FBXL4: variants seen among roughly 807,000 people sequenced by gnomAD.
FBXL4 encodes the protein F-box and leucine rich repeat protein 4.
In FBXL4, 40 loss-of-function variants were observed where a neutral mutation model predicts 58.9. The observed-to-expected ratio is 0.68, with a 90% CI of 0.53 to 0.88. The LOEUF (loss-of-function observed/expected upper bound fraction) is 0.88, where lower values mean the gene tolerates loss of function less well. FBXL4 is among the 40% of genes least tolerant of loss of function. FBXL4 has a pLI of 0.00. For missense variants in FBXL4, 676 were observed against 734.4 expected (o/e 0.92, Z 0.92); for synonymous variants, 263 against 265.5 (o/e 0.99, Z 0.09).
At chr6:98,908,102 C>G (rs1194509515) in intron 5 of FBXL4, among the ~76,000 whole-genome samples, 1 of 152,038 alleles carries the variant, frequency 6.6e-6, no homozygotes, top group Non-Finnish European at 1.5e-5. Flanking sequence ...AAATATTACA[C>G]AAACAAAAAT....
intron 1 of FBXL4, 38 bp downstream of exon 1, chr6:98,947,766 CAG>C (rs1421771242): frequency 1.5e-5 from 1 of 64,922 alleles, no homozygotes; most frequent in Non-Finnish European, 3.9e-5. Flanking sequence ...AGGAAGAAGA[CAG>C]AGACCCACGG....
At chr6:98,914,572 T>C (rs527569771) in intron 5 of FBXL4, among the ~76,000 whole-genome samples, 4 of 152,238 alleles carry the variant, frequency 2.6e-5, no homozygotes, top group South Asian at 4.2e-4. Flanking sequence ...AAAAACCACA[T>C]GATTATCTCA....
chr6:98,917,488 ATCT>A lies in FBXL4; in HGVS notation c.741_743del (p.Glu247del). On this transcript the variant is annotated inframe_deletion, in exon 5 of 10. Transcript: ENST00000369244. ...AACCATCCTTTTCTGCATAGGCATC[ATCT>A]TCTATATCATTCATGTCAATAAGTG... 1 of 1,614,064 alleles carries A rather than the reference ATCT, an allele frequency of 6.2e-7. No individual in the cohort carries two copies. The highest frequency in any genetic ancestry group is 8.5e-7 in the Non-Finnish European group (1 of 1,179,928).
chr6:98,917,976 A>G (rs1211569690), intron 4 of FBXL4, among the ~76,000 whole-genome samples: 1 of 152,232 alleles, frequency 6.6e-6, no homozygotes, highest in Non-Finnish European at 1.5e-5. Context: ...AAACTGGAAC[A>G]TGTAGTTAGA....
intron 7 of FBXL4, among the ~76,000 whole-genome samples, chr6:98,885,704 A>C (rs1176678856): frequency 6.6e-6 from 1 of 152,174 alleles, no homozygotes; most frequent in Non-Finnish European, 1.5e-5. Flanking sequence ...CTACACTATC[A>C]GCTCTCCTGG....
At chr6:98,911,210 G>A (rs1306739733) in intron 5 of FBXL4, among the ~76,000 whole-genome samples, 1 of 152,220 alleles carries the variant, frequency 6.6e-6, no homozygotes, top group African/African-American at 2.4e-5. Flanking sequence ...CACAACTCAA[G>A]GAGGCCTACC....
At chr6:98,911,127 G>C (rs1772043337) in intron 5 of FBXL4, among the ~76,000 whole-genome samples, 1 of 152,208 alleles carries the variant, frequency 6.6e-6, no homozygotes, top group African/African-American at 2.4e-5. Flanking sequence ...GGATGGGGGA[G>C]GGGCGCCTGC....
chr6:98,920,594 T>C (rs1327544954), intron 4 of FBXL4, among the ~76,000 whole-genome samples: 1 of 152,018 alleles, frequency 6.6e-6, no homozygotes, highest in African/African-American at 2.4e-5. Flanking sequence ...CCAATACAAA[T>C]AGATTTTCTG....
intron 2 of FBXL4, among the ~76,000 whole-genome samples, chr6:98,932,738 T>G (rs1773059996): frequency 6.6e-6 from 1 of 152,024 alleles, no homozygotes. Flanking sequence ...TGAAAGAACC[T>G]GAAAACAAGT....
chr6:98,919,352 G>A (rs967936233), intron 4 of FBXL4, among the ~76,000 whole-genome samples: 1 of 152,092 alleles, frequency 6.6e-6, no homozygotes, highest in African/African-American at 2.4e-5. Context: ...TGTTATTTTT[G>A]CTGATTCTCT....
rs1433792950 is a variant in FBXL4, at chr6:98,875,739, A to G, written c.1390-12T>C. The G allele has an allele frequency of 6.2e-7, 1 of 1,611,666 alleles. No individual in the cohort carries two copies. The highest frequency in any genetic ancestry group is 2.2e-5 in the East Asian group (1 of 44,884). ...TCATAGTCTTCAATCTGGAAATCAA[A>G]TAATTCCAATCTTTTACATGTTATG... is the stretch of plus-strand genomic sequence containing the variant. On this transcript the variant is annotated splice_polypyrimidine_tract_variant and intron_variant, in intron 8 of 9. Coordinates refer to ENST00000369244, the MANE Select transcript of FBXL4 (RefSeq NM_001278716.2).
intron 1 of FBXL4, among the ~76,000 whole-genome samples, chr6:98,939,048 C>T (rs1479024261): frequency 1.5e-5 from 2 of 135,926 alleles, no homozygotes; most frequent in African/African-American, 5.5e-5. Flanking sequence ...TGCACTTCAG[C>T]CTGGGTGACA....
At chr6:98,921,842 T>C (rs1034987658) in intron 4 of FBXL4, among the ~76,000 whole-genome samples, 4 of 152,178 alleles carry the variant, frequency 2.6e-5, no homozygotes, top group African/African-American at 9.7e-5. Context: ...AATAACTTTA[T>C]TCCAATTGGT....
At chr6:98,898,669 A>G in intron 7 of FBXL4, 1 of 985,278 alleles carries the variant, frequency 1.0e-6, no homozygotes. Flanking sequence ...AAAGGAAAAC[A>G]ACTGGAAAAA....
chr6:98,894,180 T>G (rs1224152126), intron 7 of FBXL4, among the ~76,000 whole-genome samples: 1 of 152,218 alleles, frequency 6.6e-6, no homozygotes, highest in African/African-American at 2.4e-5. Context: ...TGGGCTAGAT[T>G]TTTACAGCTC....
chr6:98,896,862 T>C (rs1771428776), intron 7 of FBXL4: 1 of 985,100 alleles, frequency 1.0e-6, no homozygotes, highest in African/African-American at 1.7e-5. Context: ...ACTCTTCAGA[T>C]ATGAAATCTT....
chr6:98,921,730 G>A (rs1772589821), intron 4 of FBXL4, among the ~76,000 whole-genome samples: 1 of 151,986 alleles, frequency 6.6e-6, no homozygotes, highest in African/African-American at 2.4e-5. Context: ...CAAATTCTAT[G>A]AAAGCCTCTT....
intron 2 of FBXL4, among the ~76,000 whole-genome samples, chr6:98,928,581 C>T (rs530555004): frequency 5.3e-5 from 8 of 152,270 alleles, no homozygotes; most frequent in Non-Finnish European, 8.8e-5. Flanking sequence ...CTGCCTGCCT[C>T]GGCCTCCCAA....
Position 98,870,231 on chromosome 6 carries a change from CAT to C in FBXL4, c.*4045_*4046del, listed in dbSNP as rs1158023606. The C allele has an allele frequency of 2.0e-5, 3 of 152,140 alleles. No homozygotes were observed. The highest frequency in any genetic ancestry group is 7.2e-5 in the African/African-American group (3 of 41,418). The allele number at this position is 152,140 out of a possible 1,614,324, so 9.4% of individuals were successfully genotyped here. The stretch of plus-strand genomic sequence containing the variant: ...GTTTATAAAATTAGGAATGGGCAAA[CAT>C]GGATTAACTGACTCGAAAATACTCT... On this transcript the variant is annotated 3_prime_UTR_variant, in exon 10 of 10. Transcript: ENST00000369244.
Sources: allele counts gnomAD v4.1 joint callset (sites outside exome capture counted in the v4.1 genomes callset), GRCh38; gene constraint gnomAD v4.1.1; transcripts MANE v1.5; gene names NCBI Gene and HGNC (gene_info 2026-07-23, HGNC 2026-07-21).